The following CNDP1 variants were observed in gnomAD, a reference collection of about 807,000 sequenced individuals.
CNDP1 encodes the protein beta-Ala-His dipeptidase.
CNDP1 carries 44 observed loss-of-function variants against 58.1 expected under a neutral mutation model. That is an observed-to-expected ratio of 0.76 (90% CI 0.60 to 0.97). The LOEUF is 0.97. CNDP1 is among the 50% of genes least tolerant of loss of function. CNDP1 has a pLI of 0.00. For missense variants in CNDP1, 616 were observed against 655.1 expected (o/e 0.94, Z 0.65); for synonymous variants, 254 against 252.6 (o/e 1.01, Z -0.05).
chr18:74,563,483 A>G (rs17089414), intron 5 of CNDP1, among the ~76,000 whole-genome samples: 19,265 of 152,160 alleles, frequency 0.13, 2,086 homozygotes, highest in African/African-American at 0.3. Context: ...AACTCTGAAA[A>G]TTACATAATC....
At chr18:74,566,886 T>G (rs1981341936) in intron 5 of CNDP1, among the ~76,000 whole-genome samples, 1 of 152,176 alleles carries the variant, frequency 6.6e-6, no homozygotes, top group Non-Finnish European at 1.5e-5. Context: ...GATAAAGACA[T>G]ACCCAAGACT....
rs1286922687 is a variant in CNDP1, at chr18:74,545,775, A to C, written c.25-10563A>C. 6.6e-6 allele frequency among the ~76,000 whole-genome samples: 1 copy of C among 152,160 alleles called. No individual in the cohort carries two copies. The highest frequency in any genetic ancestry group is 1.5e-5 in the Non-Finnish European group (1 of 68,030). ...TATCCTATCGACACTTTTACACAAAAATCACTCAAATGAGATTTAAAGGAA... is the reference window on the plus strand; with the variant it reads ...TATCCTATCGACACTTTTACACAAACATCACTCAAATGAGATTTAAAGGAA... On this transcript the variant is annotated intron_variant, in intron 1 of 11. Coordinates refer to ENST00000358821, the MANE Select transcript of CNDP1 (RefSeq NM_032649.6). The surrounding 1 kb of genome is among the most constrained non-coding windows in gnomAD (Gnocchi z 4.1).
intron 6 of CNDP1, among the ~76,000 whole-genome samples, chr18:74,569,625 C>T (rs1981420105): frequency 6.6e-6 from 1 of 152,130 alleles, no homozygotes; most frequent in African/African-American, 2.4e-5. Context: ...TCAGAGATAA[C>T]CAGGTCCACA....
chr18:74,580,246 C>T lies in CNDP1; in HGVS notation c.1284C>T (p.Leu428=), dbSNP rs201149123. The change falls in exon 10 of 12, where the codon CTC becomes CTT. Residue 428 remains leucine (L), a synonymous_variant. Transcript: ENST00000358821. ...CAAATATTGATGACACCCAGTATCT[C>T]GCAGCAAAAAGAGCGATCAGAACAG... The part of the protein sequence containing the change: ...WIANIDDTQY[L]AAKRAIRTVF... 9.7e-5 allele frequency: 157 copies of T among 1,614,170 alleles called. 1 individual carries two copies. The Admixed American group carries it at 2.1e-3, about 22-fold the overall frequency.
intron 6 of CNDP1, among the ~76,000 whole-genome samples, chr18:74,568,765 G>A (rs1981394181): frequency 6.6e-6 from 1 of 152,188 alleles, no homozygotes; most frequent in Admixed American, 6.5e-5. Context: ...CTTTGGGACA[G>A]GGGGAAGAGA....
chr18:74,560,764 A>C, intron 3 of CNDP1, 92 bp from the exon 4 acceptor site: 1 of 1,176,232 alleles, frequency 8.5e-7, no homozygotes, highest in Admixed American at 1.8e-5. Context: ...AGTTTCTCCC[A>C]ATGTCAAACA....
At chr18:74,559,948 T>C (rs1981143572) in intron 3 of CNDP1, among the ~76,000 whole-genome samples, 1 of 151,746 alleles carries the variant, frequency 6.6e-6, no homozygotes, top group African/African-American at 2.4e-5. Context: ...CTGAGGAACC[T>C]CAGGATCATC....
chr18:74,575,067 A>AGAAGGAAGGAAAGAAAG (rs145059178), intron 7 of CNDP1, among the ~76,000 whole-genome samples: 7 of 122,416 alleles, frequency 5.7e-5, no homozygotes, highest in African/African-American at 9.6e-5. Flanking sequence ...GAAAGAAGAA[A>AGAAGGAAGGAAAGAAAG]GAAGGAAGGA....
rs201511870 is a variant in CNDP1 at position 74,583,660 on chromosome 18, T to C, written c.1409T>C (p.Leu470Pro). 6.2e-7 allele frequency: 1 copy of C among 1,614,204 alleles called. No individual in the cohort carries two copies. Among genetic ancestry groups the C allele is most frequent in the East Asian group, 2.2e-5 (1 of 44,886 alleles). The change falls in exon 11 of 12, where the codon CTG (leucine) becomes CCG (proline). Residue 470 changes from leucine (L) to proline (P), a missense_variant. Coordinates refer to ENST00000358821, the MANE Select transcript of CNDP1 (RefSeq NM_032649.6). ...CACAAGAGCGTGGTGCTAATTCCGC[T>C]GGGAGCTGTTGATGATGGAGAACAT... is the stretch of plus-strand genomic sequence containing the variant. ...IVHKSVVLIPLGAVDDGEHSQ... is the reference protein window; with the variant it reads ...IVHKSVVLIPPGAVDDGEHSQ...
chr18:74,534,561 G>T lies in CNDP1; in HGVS notation c.-107G>T. 8.4e-7 allele frequency: 1 copy of T among 1,189,042 alleles called. No homozygotes were observed. The highest frequency in any genetic ancestry group is 1.2e-6 in the Non-Finnish European group (1 of 803,490). 73.7% of individuals were successfully genotyped at this position (1,189,042 alleles called of 1,614,324 possible). On this transcript the variant is annotated 5_prime_UTR_variant, in exon 1 of 12. Coordinates refer to ENST00000358821, the MANE Select transcript of CNDP1 (RefSeq NM_032649.6). ...CTTCCGGGGGACAACGTGGGTCAGG[G>T]CACAGAGAGATATTTAATGTCACCC... is the stretch of plus-strand genomic sequence containing the variant.
In CNDP1 at chr18:74,552,587, G is replaced by A. The variant is rs147227683; in HGVS notation, c.25-3751G>A. ...TTTGTCTACACTGTAGCATGTACCA[G>A]TACTTCATTCCTTTTTATGTAAGAT... On this transcript the variant is annotated intron_variant, in intron 1 of 11. Transcript: ENST00000358821. Among the ~76,000 whole-genome samples the A allele has an allele frequency of 2.8e-4, 43 of 152,294 alleles. No individual in the cohort carries two copies. In the East Asian group the frequency reaches 7.9e-3, roughly 28 times the overall value.
chr18:74,544,492 G>A (rs141370569), intron 1 of CNDP1, among the ~76,000 whole-genome samples: 1,574 of 152,042 alleles, frequency 0.01, 16 homozygotes, highest in Middle Eastern at 0.041. Context: ...CGAAGCAGGT[G>A]GATCACCTGA....
At chr18:74,564,019 G>A in intron 5 of CNDP1, among the ~76,000 whole-genome samples, 1 of 152,180 alleles carries the variant, frequency 6.6e-6, no homozygotes, top group East Asian at 1.9e-4. Context: ...AAACACAAGG[G>A]ATAACATAGG....
At position 74,583,939 on chromosome 18, in the gene CNDP1, C is replaced by T. The variant is rs113338791; in HGVS notation, c.1457+231C>T. ...TGGGCTGTCTTCCTGGCCGTCCCTG[C>T]GATGGTGGGGTTAGGTGGTTCTGGT... On this transcript the variant is annotated intron_variant, in intron 11 of 11. Coordinates refer to ENST00000358821, the MANE Select transcript of CNDP1 (RefSeq NM_032649.6). The T allele has an allele frequency of 2.6e-3, 1,345 of 522,116 alleles. 16 individuals are homozygous for T. The highest frequency in any genetic ancestry group is 0.023 in the African/African-American group (1,188 of 52,426). 32.3% of individuals were successfully genotyped at this position (522,116 alleles called of 1,614,324 possible).
At chr18:74,567,137 AATTCTGGGAG>A (rs1981349159) in intron 5 of CNDP1, 86 bp from the exon 6 acceptor site, 1 of 986,022 alleles carries the variant, frequency 1.0e-6, no homozygotes, top group African/African-American at 1.6e-5. Flanking sequence ...AACACGTGGG[AATTCTGGGAG>A]ATACAATTCA....
At chr18:74,568,331 C>T (rs1415577799) in intron 6 of CNDP1, among the ~76,000 whole-genome samples, 1 of 152,132 alleles carries the variant, frequency 6.6e-6, no homozygotes, top group Non-Finnish European at 1.5e-5. Context: ...GGGTATAGGA[C>T]TGAATAAAAT....
chr18:74,560,303 C>T (rs757434679), intron 3 of CNDP1, among the ~76,000 whole-genome samples: 2 of 152,208 alleles, frequency 1.3e-5, no homozygotes, highest in Non-Finnish European at 2.9e-5. Flanking sequence ...CATGAGCCAC[C>T]GTGCCCGGCC....
chr18:74,577,201 C>A, intron 8 of CNDP1, 172 bp downstream of exon 8: 1 of 526,490 alleles, frequency 1.9e-6, no homozygotes, highest in Non-Finnish European at 3.2e-6. Flanking sequence ...TGGGCTGGAT[C>A]AACCAGTCCT....
At chr18:74,571,370 T>C in intron 7 of CNDP1, 100 bp downstream of exon 7, 1 of 807,584 alleles carries the variant, frequency 1.2e-6, no homozygotes, top group Non-Finnish European at 2.2e-6. Flanking sequence ...GAACCAGCTC[T>C]GAACAAGGGT....
Sources: allele counts gnomAD v4.1 joint callset (sites outside exome capture counted in the v4.1 genomes callset), GRCh38; gene constraint gnomAD v4.1.1; non-coding constraint Gnocchi (gnomAD v3.1); transcripts MANE v1.5; gene names NCBI Gene and HGNC (gene_info 2026-07-23, HGNC 2026-07-21).